RAB11FIP2: variants seen among roughly 807,000 people sequenced by gnomAD.
RAB11FIP2 encodes RAB11 family interacting protein 2.
In RAB11FIP2, 16 loss-of-function variants were observed where a neutral mutation model predicts 40.9. That is an observed-to-expected ratio of 0.39 (90% CI 0.26 to 0.59). The LOEUF is 0.59. Among genes scored for constraint, RAB11FIP2 ranks in the 20% least tolerant of loss-of-function variants. The probability of loss-of-function intolerance (pLI) is 0.53; values close to 1 mark genes in which losing one functional copy is unlikely to be tolerated. For missense variants in RAB11FIP2, 532 were observed against 606.2 expected, an observed-to-expected ratio of 0.88 and a Z score of 1.28; for synonymous variants, 228 against 213.7, an observed-to-expected ratio of 1.07 and a Z score of -0.58.
At chr10:118,020,912 G>T (rs1217723780) in intron 3 of RAB11FIP2, among the ~76,000 whole-genome samples, 1 of 152,062 alleles carries the variant, frequency 6.6e-6, no homozygotes, top group African/African-American at 2.4e-5. Flanking sequence ...AAGAACCAAA[G>T]AAAAATAATT....
In RAB11FIP2 at chr10:118,008,192, A is replaced by C. The variant is rs1846116496; in HGVS notation, c.*806T>G. On this transcript the variant is annotated 3_prime_UTR_variant, in exon 5 of 5. Coordinates refer to ENST00000355624, the MANE Select transcript of RAB11FIP2 (RefSeq NM_014904.3). ...ATTCATGCTGTTATGAAGTTAATGA[A>C]GTCTCCTAAAATTTGTCATTCTTTA... is the stretch of plus-strand genomic sequence containing the variant. 1.3e-5 allele frequency: 2 copies of C among 152,312 alleles called. No individual in the cohort carries two copies. The highest frequency in any genetic ancestry group is 2.9e-5 in the Non-Finnish European group (2 of 68,010). The allele number at this position is 152,312 out of a possible 1,614,324, so 9.4% of individuals were successfully genotyped here.
chr10:118,009,884 T>G (rs1794012644), intron 4 of RAB11FIP2, among the ~76,000 whole-genome samples: 2 of 152,136 alleles, frequency 1.3e-5, no homozygotes, highest in Admixed American at 1.3e-4. Context: ...TCTTTCCCTT[T>G]TTGACCCTGG....
chr10:118,031,240 T>TC (rs112826169), intron 3 of RAB11FIP2, among the ~76,000 whole-genome samples: 13,789 of 152,132 alleles, frequency 0.091, 752 homozygotes, highest in Non-Finnish European at 0.13. Context: ...AACTTTAAAC[T>TC]CATTCAGGAA....
At chr10:118,031,193 ATCC>A (rs895685634) in intron 3 of RAB11FIP2, among the ~76,000 whole-genome samples, 1 of 152,164 alleles carries the variant, frequency 6.6e-6, no homozygotes, top group African/African-American at 2.4e-5. Context: ...ATTAAAACAA[ATCC>A]TTTGCATATT....
chr10:118,036,970 T>C (rs943658186), intron 3 of RAB11FIP2, among the ~76,000 whole-genome samples: 3 of 152,116 alleles, frequency 2.0e-5, no homozygotes, highest in African/African-American at 7.2e-5. Context: ...TTTTTTTCCA[T>C]ATGCACCCAT....
chr10:118,043,210 G>A (rs1846583841), intron 1 of RAB11FIP2, among the ~76,000 whole-genome samples: 1 of 151,992 alleles, frequency 6.6e-6, no homozygotes, highest in South Asian at 2.1e-4. Context: ...GGTGCCAGAG[G>A]CCAGGACACA....
rs997144770 is a variant in RAB11FIP2 at position 118,046,069 on chromosome 10, C to T, written c.95G>A (p.Gly32Asp). The change falls in exon 1 of 5, where the codon GGT becomes GAT. Residue 32 changes from glycine (G) to aspartate (D), a missense_variant. Coordinates refer to ENST00000355624, the MANE Select transcript of RAB11FIP2 (RefSeq NM_014904.3). ...AKDLKPKGKS[G>D]TNDTYTIIQL... ...AATTATAGTGTATGTGTCATTGGTA[C>T]CACTTTTGCCTTTTGGCTTCAGATC... 4 of 1,614,190 alleles carry T rather than the reference C, an allele frequency of 2.5e-6. No homozygotes were observed. Among genetic ancestry groups the T allele is most frequent in the Middle Eastern group, 1.6e-4 (1 of 6,062 alleles).
chr10:118,037,547 C>CATACAT (rs1589647195), intron 3 of RAB11FIP2, among the ~76,000 whole-genome samples: 2 of 151,978 alleles, frequency 1.3e-5, no homozygotes, highest in East Asian at 3.9e-4. Flanking sequence ...TAATTGTAGT[C>CATACAT]ACCATTTATG....
At chr10:118,035,350 T>C (rs986620392) in intron 3 of RAB11FIP2, among the ~76,000 whole-genome samples, 1 of 152,124 alleles carries the variant, frequency 6.6e-6, no homozygotes, top group Non-Finnish European at 1.5e-5. Context: ...GCTATTTAGA[T>C]TGAATATTAA....
rs755087142 is a variant in RAB11FIP2 at position 118,040,291 on chromosome 10, T to G, written c.628A>C (p.Lys210Gln). 4 of 1,613,982 alleles carry G rather than the reference T, an allele frequency of 2.5e-6. No individual in the cohort carries two copies. The highest frequency in any genetic ancestry group is 2.5e-6 in the Non-Finnish European group (3 of 1,179,850). The change falls in exon 2 of 5, where the codon AAA becomes CAA. Residue 210 changes from lysine to glutamine, a missense_variant. Transcript: ENST00000355624. ...CCCAAGAGAAAAGGCTTTTTTGGTT[T>G]GGATTTCATCTGTATTTCACCACTT... is the stretch of plus-strand genomic sequence containing the variant. ...FSSGEIQMKS[K>Q]PKKPFLLGPQ...
intron 3 of RAB11FIP2, among the ~76,000 whole-genome samples, chr10:118,037,772 C>T (rs571907414): frequency 1.9e-4 from 29 of 152,008 alleles, no homozygotes; most frequent in Non-Finnish European, 3.7e-4. Flanking sequence ...CTCTAGCATG[C>T]TCTTCCAAGA....
intron 3 of RAB11FIP2, among the ~76,000 whole-genome samples, chr10:118,032,372 A>G (rs1846424923): frequency 6.7e-6 from 1 of 149,250 alleles, no homozygotes; most frequent in East Asian, 1.9e-4. Flanking sequence ...AATGCTCACT[A>G]TAATTTAGGG....
intron 3 of RAB11FIP2, among the ~76,000 whole-genome samples, chr10:118,030,993 T>C (rs1471325695): frequency 1.3e-5 from 2 of 152,120 alleles, no homozygotes; most frequent in Non-Finnish European, 2.9e-5. Context: ...ATTGTTTCAT[T>C]GGATACATTC....
chr10:118,039,826 A>C (rs1846531934), intron 2 of RAB11FIP2: 1 of 373,226 alleles, frequency 2.7e-6, no homozygotes, highest in South Asian at 6.1e-5. Context: ...TGGAACATTC[A>C]TTTATGCTCA....
In RAB11FIP2 at chr10:118,045,989, C is replaced by T. The variant is rs1846626647; in HGVS notation, c.175G>A (p.Val59Ile). The T allele has an allele frequency of 6.2e-7, 1 of 1,614,114 alleles. No individual in the cohort carries two copies. The highest frequency in any genetic ancestry group is 1.3e-5 in the African/African-American group (1 of 74,924). Residue 59 changes from valine (V) to isoleucine (I), a missense_variant, in exon 1 of 5, where the codon GTT becomes ATT. By Grantham distance (29) the Val-to-Ile change is conservative. Coordinates refer to ENST00000355624, the MANE Select transcript of RAB11FIP2 (RefSeq NM_014904.3). Reference protein sequence around the residue: ...TSVAEKTLEPVWKEEASFELP... With the variant: ...TSVAEKTLEPIWKEEASFELP... ...TCGAAAGAGGCCTCCTCCTTCCAAA[C>T]TGGCTCAAGGGTTTTCTCAGCTACA...
chr10:118,036,067 G>A (rs1846477579), intron 3 of RAB11FIP2, among the ~76,000 whole-genome samples: 1 of 151,840 alleles, frequency 6.6e-6, no homozygotes, highest in South Asian at 2.1e-4. Flanking sequence ...GGAATAAAAA[G>A]TCTAACTTCT....
intron 3 of RAB11FIP2, among the ~76,000 whole-genome samples, chr10:118,018,818 G>T (rs1446542138): frequency 1.3e-5 from 2 of 152,018 alleles, no homozygotes; most frequent in Non-Finnish European, 2.9e-5. Context: ...CCATATATCG[G>T]CCAGAAAATA....
intron 1 of RAB11FIP2, among the ~76,000 whole-genome samples, chr10:118,040,866 A>T (rs1030596049): frequency 2.0e-5 from 3 of 152,152 alleles, no homozygotes; most frequent in African/African-American, 7.2e-5. Flanking sequence ...AAAAATTCTT[A>T]TCAATGCTAG....
intron 3 of RAB11FIP2, among the ~76,000 whole-genome samples, chr10:118,038,105 G>T (rs920390357): frequency 1.3e-5 from 2 of 151,718 alleles, no homozygotes; most frequent in African/African-American, 4.8e-5. Flanking sequence ...AATATGGGGG[G>T]CCAACTATAC....
Sources: allele counts gnomAD v4.1 joint callset (sites outside exome capture counted in the v4.1 genomes callset), GRCh38; gene constraint gnomAD v4.1.1; transcripts MANE v1.5; gene names NCBI Gene and HGNC (gene_info 2026-07-23, HGNC 2026-07-21).